Variants in NFATC2 observed in about 807,000 individuals in gnomAD.
NFATC2 encodes the protein nuclear factor of activated T cells 2.
A neutral mutation model predicts 87.3 loss-of-function variants in NFATC2; 22 were observed. The ratio of observed to expected loss-of-function variants is 0.25; its 90% CI spans 0.18 to 0.36. The LOEUF is 0.36. Ranked by LOEUF, NFATC2 falls within the 10% of genes least tolerant of loss-of-function variation. NFATC2 has a pLI of 1.00. For synonymous variants in NFATC2, 565 were observed against 542.2 expected (o/e 1.04, Z -0.58); for missense variants, 1,149 against 1,259.1 (o/e 0.91, Z 1.32).
intron 1 of NFATC2, among the ~76,000 whole-genome samples, chr20:51,561,484 AAAGCAAGCAAGCAAGCAAGCAAGC>A (rs377087625): frequency 1.2e-3 from 105 of 90,042 alleles, no homozygotes; most frequent in Admixed American, 3.9e-3. Context: ...AGAAAGAAAG[AAAGCAAGCAAGCAAGCAAGCAAGC>A]AAGCAAGCAA....
chr20:51,431,354 C>T (rs1982673695), intron 9 of NFATC2, among the ~76,000 whole-genome samples: 1 of 152,138 alleles, frequency 6.6e-6, no homozygotes, highest in Admixed American at 6.5e-5. Context: ...ACCAACACCT[C>T]ATCACAGCTT....
intron 9 of NFATC2, among the ~76,000 whole-genome samples, chr20:51,411,826 C>T (rs1364291144): frequency 6.6e-6 from 1 of 152,114 alleles, no homozygotes; most frequent in Non-Finnish European, 1.5e-5. Context: ...CCGCGCCTGG[C>T]CTGAAGCAAT....
At position 51,506,110 on chromosome 20, in the gene NFATC2, C is replaced by T. The variant is rs113761745; in HGVS notation, c.1332+10674G>A. Among the ~76,000 whole-genome samples, 811 of 152,312 alleles carry T rather than the reference C, an allele frequency of 5.3e-3. 7 individuals carry two copies. Among genetic ancestry groups the T allele is most frequent in the African/African-American group, 0.019 (774 of 41,554 alleles). On this transcript the variant is annotated intron_variant, in intron 3 of 10. Coordinates refer to ENST00000371564, the MANE Select transcript of NFATC2 (RefSeq NM_012340.5). Reference sequence around the variant, plus strand: ...CCTTGAAAAAGCCACTCAGCTTCTCCGAGCCTCAGTTTCCTCAGCTGTAAA... The same window carrying T: ...CCTTGAAAAAGCCACTCAGCTTCTCTGAGCCTCAGTTTCCTCAGCTGTAAA...
intron 6 of NFATC2, among the ~76,000 whole-genome samples, chr20:51,443,814 G>T (rs1471639674): frequency 6.6e-6 from 1 of 152,104 alleles, no homozygotes; most frequent in Non-Finnish European, 1.5e-5. Flanking sequence ...CTGGCAGCCG[G>T]TGTGAAAACA....
chr20:51,393,534 T>C (rs749849166), intron 10 of NFATC2, among the ~76,000 whole-genome samples: 1 of 152,214 alleles, frequency 6.6e-6, no homozygotes, highest in Non-Finnish European at 1.5e-5. Flanking sequence ...CCAGCACTAG[T>C]TGGGCATCTA....
intron 9 of NFATC2, among the ~76,000 whole-genome samples, chr20:51,402,763 G>A (rs1988185850): frequency 6.6e-6 from 1 of 152,210 alleles, no homozygotes; most frequent in Non-Finnish European, 1.5e-5. Flanking sequence ...GGTGGGAGCA[G>A]TAAGAAAGAT....
intron 9 of NFATC2, among the ~76,000 whole-genome samples, chr20:51,420,623 G>A (rs770085480): frequency 6.6e-6 from 1 of 152,068 alleles, no homozygotes; most frequent in Non-Finnish European, 1.5e-5. Flanking sequence ...TCTAGGGGAA[G>A]AACCTCCCCA....
Position 51,491,877 on chromosome 20 carries a change from T to TACACAC in NFATC2, c.1333-16223_1333-16218dup, listed in dbSNP as rs33936990. Among the ~76,000 whole-genome samples, 351 of 57,354 alleles carry TACACAC rather than the reference T, an allele frequency of 6.1e-3. 2 individuals carry two copies. Among genetic ancestry groups the TACACAC allele is most frequent in the Middle Eastern group, 0.019 (2 of 106 alleles). 37.6% of individuals were successfully genotyped at this position (57,354 alleles called of 152,430 possible). ...ACCCCCACCAACACACACATACACA[T>TACACAC]ACACACACACACACACACACACACA... On this transcript the variant is annotated intron_variant, in intron 3 of 10. Coordinates refer to ENST00000371564, the MANE Select transcript of NFATC2 (RefSeq NM_012340.5).
At chr20:51,520,989 A>C (rs1247439367) in intron 2 of NFATC2, among the ~76,000 whole-genome samples, 1 of 152,194 alleles carries the variant, frequency 6.6e-6, no homozygotes, top group Non-Finnish European at 1.5e-5. Flanking sequence ...GTGAAACTTC[A>C]GTCACCAAAC....
chr20:51,466,020 G>A (rs1397477183), intron 5 of NFATC2, among the ~76,000 whole-genome samples: 1 of 152,128 alleles, frequency 6.6e-6, no homozygotes, highest in African/African-American at 2.4e-5. Context: ...TTCACAAAGC[G>A]AAGCACAGTC....
intron 9 of NFATC2, among the ~76,000 whole-genome samples, chr20:51,404,208 C>G (rs930909517): frequency 6.6e-6 from 1 of 152,180 alleles, no homozygotes; most frequent in Admixed American, 6.5e-5. Flanking sequence ...GCTGTCCTGG[C>G]GAGGGGCTCA....
At position 51,391,330 on chromosome 20, in the gene NFATC2, A is replaced by G. The variant is rs1377556558; in HGVS notation, c.*166T>C. On this transcript the variant is annotated 3_prime_UTR_variant, in exon 11 of 11. Coordinates refer to ENST00000371564, the MANE Select transcript of NFATC2 (RefSeq NM_012340.5). Reference sequence around the variant, plus strand: ...GGAGATGAACATGAAAGGAGACAGAAGGTGAGGGGCTGTGGAGGGCTCCGA... The same window carrying G: ...GGAGATGAACATGAAAGGAGACAGAGGGTGAGGGGCTGTGGAGGGCTCCGA... 7 of 1,508,642 alleles carry G rather than the reference A, an allele frequency of 4.6e-6. No individual in the cohort carries two copies. Among genetic ancestry groups the G allele is most frequent in the Admixed American group, 1.7e-5 (1 of 59,846 alleles). The allele number at this position is 1,508,642 out of a possible 1,614,324, so 93.5% of individuals were successfully genotyped here. A position where few individuals can be genotyped will look rare whatever the true frequency, so the allele number is the denominator to read the frequency against.
rs554842306 is a variant in NFATC2, at chr20:51,393,845, C to G, written c.*45-2394G>C. ...TAAAATTAGCTGGTAGGCAGAGACG[C>G]TGGCACCAAGGCCCTCTCGAAGGGC... On this transcript the variant is annotated intron_variant, in intron 10 of 10. Transcript: ENST00000371564. 2.6e-5 allele frequency among the ~76,000 whole-genome samples: 4 copies of G among 152,318 alleles called. No homozygotes were observed. The South Asian group carries it at 6.2e-4, about 24-fold the overall frequency.
intron 3 of NFATC2, among the ~76,000 whole-genome samples, chr20:51,494,590 A>G (rs2146598964): frequency 6.6e-6 from 1 of 152,150 alleles, no homozygotes; most frequent in South Asian, 2.1e-4. Flanking sequence ...CCTGAATCCT[A>G]GGGCTGAGAA....
intron 5 of NFATC2, among the ~76,000 whole-genome samples, chr20:51,463,981 C>CA (rs10711232): frequency 7.3e-5 from 11 of 150,362 alleles, no homozygotes; most frequent in South Asian, 4.3e-4. Flanking sequence ...CTGGGCTCTC[C>CA]AAAAAAAAAC....
chr20:51,398,614 CAAAAGG>C, intron 10 of NFATC2, 23 bp downstream of exon 10: 1 of 1,502,826 alleles, frequency 6.7e-7, no homozygotes, highest in Non-Finnish European at 9.0e-7. Context: ...AGCTGGAAAA[CAAAAGG>C]AGAAGCAGAA....
intron 10 of NFATC2, among the ~76,000 whole-genome samples, chr20:51,392,773 C>T (rs962524806): frequency 1.3e-5 from 2 of 152,158 alleles, no homozygotes; most frequent in East Asian, 1.9e-4. Context: ...CAGAGTTGCC[C>T]GAAGTTTCTC....
At position 51,542,377 on chromosome 20, in the gene NFATC2, C is replaced by A. The variant is rs748721638; in HGVS notation, c.123G>T (p.Pro41=). The change falls in exon 1 of 11, where the codon CCG becomes CCT. Residue 41 remains proline, a synonymous_variant. Coordinates refer to ENST00000371564, the MANE Select transcript of NFATC2 (RefSeq NM_012340.5). ...GGGGTAGCCTCCACCGACCTTCGTTCGGATTCAAATACTCATAGTCGAAGA... is the reference window on the plus strand; with the variant it reads ...GGGGTAGCCTCCACCGACCTTCGTTAGGATTCAAATACTCATAGTCGAAGA... ...SILFDYEYLN[P]NEEEPNAHKV... 1 of 1,607,222 alleles carries A rather than the reference C, an allele frequency of 6.2e-7. No homozygotes were observed. The highest frequency in any genetic ancestry group is 8.5e-7 in the Non-Finnish European group (1 of 1,176,644).
At chr20:51,479,832 C>A (rs1324039393) in intron 3 of NFATC2, among the ~76,000 whole-genome samples, 1 of 152,156 alleles carries the variant, frequency 6.6e-6, no homozygotes, top group African/African-American at 2.4e-5. Flanking sequence ...GAGCCAGGCT[C>A]CAAACTCCAG....
Sources: gnomAD v4.1 joint callset for allele counts (sites outside exome capture counted in the v4.1 genomes callset) on GRCh38, gnomAD v4.1.1 for gene constraint, MANE v1.5 for transcripts, NCBI Gene and HGNC (gene_info 2026-07-23, HGNC 2026-07-21) for gene names.